The following PARG variants were observed in gnomAD, a reference collection of about 807,000 sequenced individuals.
The protein encoded by PARG is poly(ADP-ribose) glycohydrolase, also known as mitochondrial poly(ADP-ribose) glycohydrolase.
PARG carries 35 observed loss-of-function variants against 113.0 expected under a neutral mutation model. The observed-to-expected ratio is 0.31, with a 90% CI of 0.24 to 0.41. The LOEUF is 0.41. Ranked by LOEUF, PARG falls within the 10% of genes least tolerant of loss-of-function variation. The probability of loss-of-function intolerance (pLI) is 1.00; values close to 1 mark genes in which losing one functional copy is unlikely to be tolerated. For missense variants in PARG, 797 were observed against 1,169.4 expected (o/e 0.68, Z 4.64); for synonymous variants, 330 against 409.9 (o/e 0.81, Z 2.36).
intron 4 of PARG, among the ~76,000 whole-genome samples, chr10:49,931,693 C>CAAAAAAAAAA (rs1191457420): frequency 8.4e-5 from 6 of 71,750 alleles, no homozygotes; most frequent in South Asian, 5.4e-4. Flanking sequence ...TGGTCTCCAG[C>CAAAAAAAAAA]AAAAAAAAAA....
chr10:49,839,209 T>C (rs1042278513), intron 15 of PARG, among the ~76,000 whole-genome samples: 22 of 152,034 alleles, frequency 1.4e-4, no homozygotes, highest in Non-Finnish European at 7.4e-5. Flanking sequence ...TGGTGGTGCA[T>C]GCCTCTGGTC....
chr10:49,831,151 G>C (rs1554830202), intron 16 of PARG, among the ~76,000 whole-genome samples: 2 of 152,086 alleles, frequency 1.3e-5, no homozygotes, highest in African/African-American at 4.8e-5. Context: ...CTACTGAGAT[G>C]ACCTGAAGAA....
intron 4 of PARG, among the ~76,000 whole-genome samples, chr10:49,926,002 G>T (rs1484921448): frequency 6.6e-6 from 1 of 152,186 alleles, no homozygotes; most frequent in East Asian, 1.9e-4. Context: ...GGGTCGGGTC[G>T]TACAATCTAA....
At chr10:49,839,491 C>T (rs74841086) in intron 15 of PARG, among the ~76,000 whole-genome samples, 6 of 152,312 alleles carry the variant, frequency 3.9e-5, no homozygotes, top group East Asian at 1.9e-4. Context: ...TTGTATAAAA[C>T]GCCCCTCATT....
At chr10:49,906,138 C>A (rs556317584) in intron 7 of PARG, among the ~76,000 whole-genome samples, 1 of 128,642 alleles carries the variant, frequency 7.8e-6, no homozygotes, top group Non-Finnish European at 1.7e-5. Context: ...GGCTGTGATG[C>A]TGCCGCTTTT....
intron 7 of PARG, 40 bp from the exon 8 acceptor site, chr10:49,885,335 C>T (rs782735437): frequency 8.3e-7 from 1 of 1,199,644 alleles, no homozygotes; most frequent in African/African-American, 1.5e-5. Flanking sequence ...TAACAATAAC[C>T]AGTAAATATA....
intron 4 of PARG, among the ~76,000 whole-genome samples, chr10:49,927,353 A>AGAAAGAAG (rs1216140742): frequency 0.014 from 1,724 of 127,156 alleles, 23 homozygotes; most frequent in East Asian, 0.06. Context: ...AAGGAAGGAA[A>AGAAAGAAG]GAAAGAAGGA....
At chr10:49,934,416 A>G (rs1472726135) in intron 2 of PARG, among the ~76,000 whole-genome samples, 1 of 151,918 alleles carries the variant, frequency 6.6e-6, no homozygotes, top group Non-Finnish European at 1.5e-5. Context: ...TTAGGGACCA[A>G]AGGTAAAGTT....
At chr10:49,849,191 G>A (rs1289259032) in intron 13 of PARG, among the ~76,000 whole-genome samples, 2 of 148,998 alleles carry the variant, frequency 1.3e-5, no homozygotes, top group African/African-American at 2.5e-5. Flanking sequence ...GCGAAACTCC[G>A]TCTCAAAAAA....
At chr10:49,837,079 T>C (rs1165736399) in intron 15 of PARG, among the ~76,000 whole-genome samples, 1 of 152,190 alleles carries the variant, frequency 6.6e-6, no homozygotes, top group Admixed American at 6.5e-5. Flanking sequence ...GATTAAACAT[T>C]GCTTCACAGT....
At chr10:49,936,072 G>T (rs1838725416) in intron 1 of PARG, among the ~76,000 whole-genome samples, 1 of 152,022 alleles carries the variant, frequency 6.6e-6, no homozygotes, top group South Asian at 2.1e-4. Flanking sequence ...CCACACCCCA[G>T]TCCTTCTGAA....
intron 7 of PARG, among the ~76,000 whole-genome samples, chr10:49,913,580 C>T (rs1329264849): frequency 6.6e-5 from 10 of 152,134 alleles, no homozygotes; most frequent in African/African-American, 2.4e-4. Flanking sequence ...ACTTCTCCAA[C>T]CCTCCATATG....
intron 7 of PARG, among the ~76,000 whole-genome samples, chr10:49,912,933 C>T (rs1159280809): frequency 6.6e-6 from 1 of 152,192 alleles, no homozygotes; most frequent in Non-Finnish European, 1.5e-5. Flanking sequence ...AGCACCACTG[C>T]ACTATAGCCT....
At chr10:49,837,761 T>C (rs1845015640) in intron 15 of PARG, among the ~76,000 whole-genome samples, 2 of 152,210 alleles carry the variant, frequency 1.3e-5, no homozygotes, top group African/African-American at 4.8e-5. Context: ...TTGGAATATA[T>C]CAGTGAATAA....
At chr10:49,920,438 C>A in intron 6 of PARG, among the ~76,000 whole-genome samples, 1 of 98,054 alleles carries the variant, frequency 1.0e-5, no homozygotes, top group African/African-American at 3.8e-5. Context: ...TGGAGCAAGA[C>A]CCAGCCTCAA....
chr10:49,879,056 C>A (rs1322094408), intron 9 of PARG, among the ~76,000 whole-genome samples: 1 of 152,198 alleles, frequency 6.6e-6, no homozygotes, highest in Non-Finnish European at 1.5e-5. Context: ...TGGCTGGAAT[C>A]TAGAACTTTA....
intron 15 of PARG, among the ~76,000 whole-genome samples, chr10:49,836,425 G>C (rs1434276864): frequency 7.4e-5 from 11 of 147,960 alleles, no homozygotes; most frequent in African/African-American, 2.5e-4. Flanking sequence ...GGCCTCTCGA[G>C]TAGCTGAGAT....
At chr10:49,865,740 G>A (rs1294345570) in intron 10 of PARG, among the ~76,000 whole-genome samples, 3 of 150,088 alleles carry the variant, frequency 2.0e-5, no homozygotes, top group African/African-American at 7.4e-5. Context: ...AAAAAAGGAT[G>A]TATAACTGGT....
In PARG at chr10:49,835,432, T is replaced by C. The variant is rs573908714; in HGVS notation, c.2542-2524A>G. Among the ~76,000 whole-genome samples the C allele has an allele frequency of 2.6e-5, 4 of 152,216 alleles. No homozygotes were observed. The South Asian group carries it at 8.3e-4, about 32-fold the overall frequency. On this transcript the variant is annotated intron_variant, in intron 15 of 17. Transcript: ENST00000616448. Reference sequence around the variant, plus strand: ...AGGAAGCACTGAGACCTCAGGATAGTAAGCAGAAGATACCAATGAACAACC... The same window carrying C: ...AGGAAGCACTGAGACCTCAGGATAGCAAGCAGAAGATACCAATGAACAACC...
Sources: allele counts gnomAD v4.1 joint callset (sites outside exome capture counted in the v4.1 genomes callset), GRCh38; gene constraint gnomAD v4.1.1; transcripts MANE v1.5; gene names NCBI Gene and HGNC (gene_info 2026-07-23, HGNC 2026-07-21).